The following MME variants were observed in gnomAD, a reference collection of about 807,000 sequenced individuals.
MME encodes membrane metalloendopeptidase.
Under a neutral mutation model 113.2 loss-of-function variants are expected in MME, and 98 were observed. The observed-to-expected ratio is 0.87, with a 90% CI of 0.74 to 1.02. The LOEUF (loss-of-function observed/expected upper bound fraction) is 1.02, where lower values mean the gene tolerates loss of function less well. Ranked by LOEUF, MME falls within the 50% of genes least tolerant of loss-of-function variation. The pLI is 0.00. For missense variants in MME, 836 were observed against 896.0 expected, an observed-to-expected ratio of 0.93 and a Z score of 0.86; for synonymous variants, 292 against 300.6, an observed-to-expected ratio of 0.97 and a Z score of 0.30.
At chr3:155,166,507 A>G (rs1723105523) in intron 17 of MME, among the ~76,000 whole-genome samples, 1 of 152,196 alleles carries the variant, frequency 6.6e-6, no homozygotes, top group Non-Finnish European at 1.5e-5. Context: ...CCAAATATTT[A>G]TAAGGCAGAA....
intron 8 of MME, 34 bp downstream of exon 8, chr3:155,118,845 C>G: frequency 7.7e-7 from 1 of 1,297,732 alleles, no homozygotes. Flanking sequence ...AACCAAACTA[C>G]AAAATGATCT....
intron 8 of MME, among the ~76,000 whole-genome samples, chr3:155,129,532 A>G (rs1719967471): frequency 6.6e-6 from 1 of 151,838 alleles, no homozygotes; most frequent in Non-Finnish European, 1.5e-5. Context: ...ATATTTGATT[A>G]TTATTATAAT....
chr3:155,179,687 TC>T (rs1481329353), intron 22 of MME, among the ~76,000 whole-genome samples: 2 of 152,126 alleles, frequency 1.3e-5, no homozygotes, highest in Admixed American at 1.3e-4. Flanking sequence ...GACCCATCTC[TC>T]CCCTCAAACA....
intron 14 of MME, among the ~76,000 whole-genome samples, chr3:155,145,165 G>T (rs1203041624): frequency 6.6e-6 from 1 of 152,086 alleles, no homozygotes; most frequent in Non-Finnish European, 1.5e-5. Context: ...CCCCAGTATT[G>T]CTATCTTTCC....
At chr3:155,150,627 C>T (rs1721856580) in intron 16 of MME, among the ~76,000 whole-genome samples, 1 of 152,114 alleles carries the variant, frequency 6.6e-6, no homozygotes, top group Admixed American at 6.6e-5. Context: ...ACACTGATTC[C>T]CCAGCTCAAG....
At chr3:155,086,987 T>G (rs1294912808) in intron 3 of MME, among the ~76,000 whole-genome samples, 2 of 110,752 alleles carry the variant, frequency 1.8e-5, no homozygotes, top group African/African-American at 8.0e-5. Context: ...GGGTTTTTTG[T>G]TTTTTTTGTT....
Position 155,140,203 on chromosome 3 carries a change from C to T in MME, c.868C>T (p.Pro290Ser), listed in dbSNP as rs772484156. The change falls in exon 10 of 23, where the codon CCT becomes TCT. Residue 290 changes from proline (P) to serine (S), a missense_variant. Physicochemically the swap from Pro to Ser is moderately conservative, Grantham distance 74 (BLOSUM62 -1). Transcript: ENST00000360490. ...ATTAAATCCATAGGCTACGGCTAAACCTGAAGATCGAAATGATCCAATGCT... is the reference window on the plus strand; with the variant it reads ...ATTAAATCCATAGGCTACGGCTAAATCTGAAGATCGAAATGATCCAATGCT... ...EKEIANATAK[P>S]EDRNDPMLLY... is the part of the protein sequence containing the mutation. 1.9e-6 allele frequency: 3 copies of T among 1,610,788 alleles called. No homozygotes were observed. Among genetic ancestry groups the T allele is most frequent in the South Asian group, 1.1e-5 (1 of 90,598 alleles).
intron 22 of MME, among the ~76,000 whole-genome samples, chr3:155,176,491 G>GA (rs1268196337): frequency 6.6e-6 from 1 of 151,988 alleles, no homozygotes; most frequent in South Asian, 2.1e-4. Context: ...CTCACTCTTA[G>GA]AAAAAAAGTG....
intron 21 of MME, 26 bp downstream of exon 21, chr3:155,172,238 A>C (rs1199773671): frequency 6.9e-7 from 1 of 1,442,230 alleles, no homozygotes; most frequent in Non-Finnish European, 9.8e-7. Context: ...TGATTGATAG[A>C]TATGAAAACC....
Position 155,172,483 on chromosome 3 carries a change from A to G in MME, c.2077-53A>G, listed in dbSNP as rs1712086487. 3 of 1,399,050 alleles carry G rather than the reference A, an allele frequency of 2.1e-6. No homozygotes were observed. In the South Asian group the frequency reaches 3.5e-5, roughly 16 times the overall value. The allele number at this position is 1,399,050 out of a possible 1,614,324, so 86.7% of individuals were successfully genotyped here. On this transcript the variant is annotated intron_variant, in intron 21 of 22. Transcript: ENST00000360490. The stretch of plus-strand genomic sequence containing the variant: ...TTCCCCTCAACTTGCTCAAACAAAT[A>G]ATCCTTGATTGAACCTGAGTACATG...
At chr3:155,127,638 C>A (rs2108282410) in intron 8 of MME, among the ~76,000 whole-genome samples, 1 of 152,240 alleles carries the variant, frequency 6.6e-6, no homozygotes, top group Non-Finnish European at 1.5e-5. Context: ...CATACTCTGC[C>A]ACAGTTTACA....
At chr3:155,166,648 T>G (rs778840354) in intron 17 of MME, among the ~76,000 whole-genome samples, 37 of 152,284 alleles carry the variant, frequency 2.4e-4, no homozygotes, top group South Asian at 4.1e-4. Context: ...TGAACTCTGT[T>G]GTCATCCATA....
At chr3:155,155,620 C>T (rs1350730805) in intron 16 of MME, among the ~76,000 whole-genome samples, 8 of 152,148 alleles carry the variant, frequency 5.3e-5, no homozygotes, top group Middle Eastern at 3.2e-3. Flanking sequence ...ATGGAATTAC[C>T]TTCTAATGAG....
chr3:155,051,987 A>G (rs971339225), intron 1 of MME, among the ~76,000 whole-genome samples: 1 of 152,234 alleles, frequency 6.6e-6, no homozygotes, highest in Non-Finnish European at 1.5e-5. Flanking sequence ...TCCAAATAAG[A>G]TAAATTGGCC....
intron 1 of MME, among the ~76,000 whole-genome samples, chr3:155,052,995 T>C (rs1713811016): frequency 6.6e-6 from 1 of 152,182 alleles, no homozygotes; most frequent in Non-Finnish European, 1.5e-5. Flanking sequence ...ACTAGTCTCT[T>C]TGCACAGCAA....
At chr3:155,079,689 G>T (rs770101542), upstream of MME, 4 of 152,346 alleles carry the variant, frequency 2.6e-5, no homozygotes, top group Non-Finnish European at 5.8e-5. Context: ...TGCAAGTGGC[G>T]AAGCTTGACC....
chr3:155,024,313 A>G (rs1559884856), exon 1 of MME: 5 of 152,194 alleles, frequency 3.3e-5, no homozygotes, highest in Admixed American at 3.3e-4. Context: ...TACACTACAC[A>G]CGCTCTTGGC....
chr3:155,088,420 A>T (rs1406657335), intron 3 of MME, among the ~76,000 whole-genome samples: 1 of 152,224 alleles, frequency 6.6e-6, no homozygotes, highest in African/African-American at 2.4e-5. Context: ...ACGGTGGCTC[A>T]CGCCTGTAAT....
At chr3:155,108,425 G>A (rs541126161) in intron 3 of MME, among the ~76,000 whole-genome samples, 3 of 152,018 alleles carry the variant, frequency 2.0e-5, no homozygotes, top group Non-Finnish European at 4.4e-5. Context: ...GGGAAACCCC[G>A]TCTCTACTGA....
Sources: allele counts gnomAD v4.1 joint callset (sites outside exome capture counted in the v4.1 genomes callset), GRCh38; gene constraint gnomAD v4.1.1; transcripts MANE v1.5; gene names NCBI Gene and HGNC (gene_info 2026-07-23, HGNC 2026-07-21).